Variants in CNTN3 observed in about 807,000 individuals in gnomAD.
CNTN3 encodes the protein contactin 3.
In CNTN3, 60 loss-of-function variants were observed where a neutral mutation model predicts 119.1. The observed-to-expected ratio is 0.50, with a 90% CI of 0.41 to 0.62. The LOEUF is 0.62. Among genes scored for constraint, CNTN3 ranks in the 20% least tolerant of loss-of-function variants. The pLI is 0.00. For synonymous variants in CNTN3, 450 were observed against 438.7 expected (o/e 1.03, Z -0.32); for missense variants, 1,101 against 1,242.4 (o/e 0.89, Z 1.71).
chr3:74,530,581 A>T (rs1366046622), intron 1 of CNTN3, among the ~76,000 whole-genome samples: 2 of 151,820 alleles, frequency 1.3e-5, no homozygotes, highest in Admixed American at 1.3e-4. Context: ...AGCACGCTGG[A>T]GCCAAATAGT....
rs555727652 is a variant in CNTN3 at position 74,379,506 on chromosome 3, T to C, written c.455-8107A>G. ...TGCTGCTATTGATATAGCAATGTCC[T>C]TCACGTACCCAACTGAAGTGCTTAC... On this transcript the variant is annotated intron_variant, in intron 5 of 22. Coordinates refer to ENST00000263665, the MANE Select transcript of CNTN3 (RefSeq NM_020872.3). Among the ~76,000 whole-genome samples the C allele has an allele frequency of 2.6e-5, 4 of 152,272 alleles. No homozygotes were observed. In the East Asian group the frequency reaches 7.7e-4, roughly 29 times the overall value.
At chr3:74,295,087 C>T in intron 19 of CNTN3, 34 bp downstream of exon 19, 1 of 1,367,394 alleles carries the variant, frequency 7.3e-7, no homozygotes, top group Non-Finnish European at 1.0e-6. Flanking sequence ...GGCACGGTAA[C>T]ACACATACAC....
At chr3:74,365,148 A>G (rs976420207) in intron 9 of CNTN3, among the ~76,000 whole-genome samples, 1 of 152,106 alleles carries the variant, frequency 6.6e-6, no homozygotes, top group Non-Finnish European at 1.5e-5. Context: ...CTTGAGAAGG[A>G]GAGTGATGGA....
At position 74,296,973 on chromosome 3, in the gene CNTN3, C is replaced by T. The variant is rs572673996; in HGVS notation, c.2401+984G>A. Among the ~76,000 whole-genome samples, 16 of 151,290 alleles carry T rather than the reference C, an allele frequency of 1.1e-4. 1 individual carries two copies. The South Asian group carries it at 2.7e-3, about 26-fold the overall frequency. On this transcript the variant is annotated intron_variant, in intron 18 of 22. Transcript: ENST00000263665. Reference sequence around the variant, plus strand: ...CTTTTACCTTGATTATTTTCTAAAGCGGTCATGAGACAAAATGTAGATGTC... The same window carrying T: ...CTTTTACCTTGATTATTTTCTAAAGTGGTCATGAGACAAAATGTAGATGTC...
intron 3 of CNTN3, 101 bp downstream of exon 3, chr3:74,499,558 C>T: frequency 7.3e-6 from 8 of 1,095,550 alleles, no homozygotes; most frequent in Middle Eastern, 2.4e-4. Context: ...GTATTTTTTT[C>T]TTACTGATGG....
In CNTN3 at chr3:74,434,045, C is replaced by T. The variant is rs1020440642; in HGVS notation, c.359-9105G>A. On this transcript the variant is annotated intron_variant, in intron 4 of 22. Coordinates refer to ENST00000263665, the MANE Select transcript of CNTN3 (RefSeq NM_020872.3). Reference sequence around the variant, plus strand: ...TTAGGATCTCCATCATGGGTCTTCCCACCAAAGTTAAATTATTGGTGTCTG... The same window carrying T: ...TTAGGATCTCCATCATGGGTCTTCCTACCAAAGTTAAATTATTGGTGTCTG... Among the ~76,000 whole-genome samples, 5 of 152,186 alleles carry T rather than the reference C, an allele frequency of 3.3e-5. No homozygotes were observed. In the South Asian group the frequency reaches 6.2e-4, roughly 19 times the overall value.
intron 1 of CNTN3, among the ~76,000 whole-genome samples, chr3:74,562,087 G>C (rs531209516): frequency 1.3e-5 from 2 of 152,018 alleles, no homozygotes; most frequent in African/African-American, 4.8e-5. Context: ...CCTTGGGACC[G>C]AGACTCCATG....
chr3:74,486,787 G>A (rs2107044938), intron 3 of CNTN3, among the ~76,000 whole-genome samples, 156 bp from the exon 4 acceptor site: 1 of 152,218 alleles, frequency 6.6e-6, no homozygotes, highest in Admixed American at 6.5e-5. Context: ...ATATGCCCAA[G>A]TATTTATCAG....
chr3:74,317,436 T>C (rs1188771294), intron 13 of CNTN3, among the ~76,000 whole-genome samples: 3 of 152,230 alleles, frequency 2.0e-5, no homozygotes, highest in Admixed American at 6.5e-5. Flanking sequence ...CTAGCCCTGA[T>C]GGTCTTTACA....
At chr3:74,428,328 G>T (rs1559596836) in intron 4 of CNTN3, among the ~76,000 whole-genome samples, 1 of 151,808 alleles carries the variant, frequency 6.6e-6, no homozygotes, top group African/African-American at 2.4e-5. Flanking sequence ...TTTTTCAGAA[G>T]GAGGCATTGT....
intron 11 of CNTN3, among the ~76,000 whole-genome samples, chr3:74,345,389 C>A (rs533786268): frequency 1.1e-4 from 16 of 152,338 alleles, no homozygotes; most frequent in African/African-American, 3.6e-4. Context: ...ATTTGCACTG[C>A]AGCACCTTCT....
Position 74,262,757 on chromosome 3 carries a change from C to G in CNTN3, c.*1644G>C, listed in dbSNP as rs565853707. Reference sequence around the variant, plus strand: ...ATCTTGAAAATGAAAAGTATAGGAACATATAGGAATTACTAAATAATAAAA... The same window carrying G: ...ATCTTGAAAATGAAAAGTATAGGAAGATATAGGAATTACTAAATAATAAAA... On this transcript the variant is annotated 3_prime_UTR_variant, in exon 23 of 23. Coordinates refer to ENST00000263665, the MANE Select transcript of CNTN3 (RefSeq NM_020872.3). 50 of 152,390 alleles carry G rather than the reference C, an allele frequency of 3.3e-4. No homozygotes were observed. Among genetic ancestry groups the G allele is most frequent in the African/African-American group, 8.9e-4 (37 of 41,484 alleles). 9.4% of individuals were successfully genotyped at this position (152,390 alleles called of 1,614,324 possible). A position where few individuals can be genotyped will look rare whatever the true frequency, so the allele number is the denominator to read the frequency against.
intron 3 of CNTN3, among the ~76,000 whole-genome samples, chr3:74,496,599 A>G (rs1428683861): frequency 6.7e-6 from 1 of 150,114 alleles, no homozygotes; most frequent in East Asian, 2.1e-4. Flanking sequence ...GGATTCTCCT[A>G]TTTGTGGTCT....
intron 4 of CNTN3, among the ~76,000 whole-genome samples, chr3:74,450,247 A>AT (rs1167091901): frequency 1.3e-5 from 2 of 152,042 alleles, no homozygotes; most frequent in African/African-American, 4.8e-5. Context: ...AACAAAACAA[A>AT]TTTTTTTAAT....
Position 74,486,660 on chromosome 3 carries a change from C to T in CNTN3, c.183-29G>A, listed in dbSNP as rs189919724. On this transcript the variant is annotated intron_variant, in intron 3 of 22. Coordinates refer to ENST00000263665, the MANE Select transcript of CNTN3 (RefSeq NM_020872.3). ...TAAAACAAATATCAAGGTTCCCCCC[C>T]CTTAGTATTTTTAACTTAAAAGAAG... 4.0e-4 allele frequency: 588 copies of T among 1,484,618 alleles called. 2 individuals are homozygous for T. The African/African-American group carries it at 7.4e-3, about 19-fold the overall frequency. 92.0% of individuals were successfully genotyped at this position (1,484,618 alleles called of 1,614,324 possible).
At chr3:74,392,386 C>T (rs1979591) in intron 5 of CNTN3, among the ~76,000 whole-genome samples, 92,877 of 151,274 alleles carry the variant, frequency 0.61, 29,026 homozygotes, top group African/African-American at 0.72. Flanking sequence ...CCTTTTCCCT[C>T]CCTCCCTCCC....
chr3:74,565,519 G>T (rs994602023), intron 1 of CNTN3, among the ~76,000 whole-genome samples: 6 of 152,118 alleles, frequency 3.9e-5, no homozygotes, highest in Non-Finnish European at 8.8e-5. Flanking sequence ...AGTCCATTTT[G>T]CCATGGAAGG....
chr3:74,421,792 C>A (rs1701620164), intron 5 of CNTN3, among the ~76,000 whole-genome samples: 2 of 152,148 alleles, frequency 1.3e-5, no homozygotes, highest in Non-Finnish European at 2.9e-5. Context: ...TACTGATATA[C>A]CCCGGAGTTA....
chr3:74,554,707 G>A (rs1158863813), intron 1 of CNTN3, among the ~76,000 whole-genome samples: 3 of 151,996 alleles, frequency 2.0e-5, no homozygotes, highest in African/African-American at 7.3e-5. Context: ...TCATGATTTG[G>A]CTCTCTGCCT....
Sources: allele counts gnomAD v4.1 joint callset (sites outside exome capture counted in the v4.1 genomes callset), GRCh38; gene constraint gnomAD v4.1.1; transcripts MANE v1.5; gene names NCBI Gene and HGNC (gene_info 2026-07-23, HGNC 2026-07-21).